Variants in CPS1 observed in about 807,000 individuals in gnomAD.
CPS1 encodes carbamoyl-phosphate synthase [ammonia], mitochondrial.
Under a neutral mutation model 174.6 loss-of-function variants are expected in CPS1, and 109 were observed. The ratio of observed to expected loss-of-function variants is 0.62; its 90% CI spans 0.53 to 0.73. CPS1 has a LOEUF of 0.73. Ranked by LOEUF, CPS1 falls within the 30% of genes least tolerant of loss-of-function variation. The pLI is 0.00. For missense variants in CPS1, 1,689 were observed against 1,821.9 expected (o/e 0.93, Z 1.33); for synonymous variants, 637 against 632.0 (o/e 1.01, Z -0.12).
intron 32 of CPS1, among the ~76,000 whole-genome samples, chr2:210,662,635 G>C (rs1194304691): frequency 6.6e-6 from 1 of 152,222 alleles, no homozygotes; most frequent in African/African-American, 2.4e-5. Flanking sequence ...CTTTTAAGAG[G>C]TGTCAACAAC....
At chr2:210,598,638 G>T (rs1385945911) in intron 13 of CPS1, among the ~76,000 whole-genome samples, 1 of 151,866 alleles carries the variant, frequency 6.6e-6, no homozygotes, top group Admixed American at 6.6e-5. Flanking sequence ...TAATAGTAAT[G>T]GGTTCAATTC....
chr2:210,548,958 G>C (rs1696641581), intron 1 of CPS1, among the ~76,000 whole-genome samples: 1 of 152,076 alleles, frequency 6.6e-6, no homozygotes. Flanking sequence ...GGCCATGGAA[G>C]AAATCAGGTT....
At chr2:210,533,062 G>A (rs2664232) in intron 1 of CPS1, among the ~76,000 whole-genome samples, 60,997 of 151,870 alleles carry the variant, frequency 0.4, 12,474 homozygotes, top group Middle Eastern at 0.51. Context: ...AGCGGGGAGG[G>A]AAGTCGCTTT....
At chr2:210,636,130 C>G (rs1700036093) in intron 21 of CPS1, among the ~76,000 whole-genome samples, 1 of 152,178 alleles carries the variant, frequency 6.6e-6, no homozygotes, top group South Asian at 2.1e-4. Flanking sequence ...TATTGACTAT[C>G]AAACTATTAT....
At chr2:210,541,292 C>T (rs1696416943) in intron 1 of CPS1, among the ~76,000 whole-genome samples, 1 of 152,132 alleles carries the variant, frequency 6.6e-6, no homozygotes, top group Non-Finnish European at 1.5e-5. Context: ...TCTTGCCTGG[C>T]CAATCAAACT....
intron 1 of CPS1, among the ~76,000 whole-genome samples, chr2:210,551,545 T>C (rs1696731273): frequency 6.6e-6 from 1 of 151,930 alleles, no homozygotes; most frequent in Non-Finnish European, 1.5e-5. Context: ...TTAAGGTGTT[T>C]GCAAATGGGG....
chr2:210,643,466 G>A (rs184775087), intron 25 of CPS1, among the ~76,000 whole-genome samples: 181 of 152,156 alleles, frequency 1.2e-3, no homozygotes, highest in Admixed American at 3.3e-3. Context: ...TACTAAATTG[G>A]AACCAAAATA....
intron 21 of CPS1, chr2:210,619,376 A>G (rs1312742567): frequency 6.6e-6 from 1 of 152,070 alleles, no homozygotes; most frequent in Non-Finnish European, 1.5e-5. Flanking sequence ...ATAAGTATAA[A>G]TGACATCTGA....
chr2:210,529,642 T>A (rs1696066335), intron 1 of CPS1, among the ~76,000 whole-genome samples: 1 of 151,958 alleles, frequency 6.6e-6, no homozygotes, highest in Non-Finnish European at 1.5e-5. Context: ...ATATTTTTGC[T>A]TACTCTTCAC....
At position 210,668,242 on chromosome 2, in the gene CPS1, A is replaced by C. The variant is rs1400368646; in HGVS notation, c.4059A>C (p.Thr1353=). Residue 1353 remains threonine (T), a synonymous_variant, in exon 34 of 38, where the codon ACA becomes ACC. Coordinates refer to ENST00000233072, the MANE Select transcript of CPS1 (RefSeq NM_001875.5). The part of the protein sequence containing the change: ...HTAFLKAMLS[T]GFKIPQKGIL... ...CCTTCCTAAAGGCAATGCTTTCCAC[A>C]GGATTTAAGATACCCCAGAAAGGCA... 1.2e-6 allele frequency: 2 copies of C among 1,613,898 alleles called. No individual in the cohort carries two copies. Among genetic ancestry groups the C allele is most frequent in the Non-Finnish European group, 1.7e-6 (2 of 1,179,930 alleles).
intron 3 of CPS1, 82 bp downstream of exon 3, chr2:210,576,572 C>T (rs943198620): frequency 6.9e-7 from 1 of 1,456,234 alleles, no homozygotes; most frequent in Non-Finnish European, 9.6e-7. Context: ...GATGGCCAAA[C>T]TTTCTTCCTC....
chr2:210,556,774 T>C lies in CPS1; in HGVS notation c.41T>C (p.Leu14Pro), dbSNP rs765353730. 25 of 1,613,038 alleles carry C rather than the reference T, an allele frequency of 1.5e-5. No individual in the cohort carries two copies. The highest frequency in any genetic ancestry group is 2.1e-5 in the Non-Finnish European group (25 of 1,179,374). The change falls in exon 1 of 38, where the codon CTG (leucine) becomes CCG (proline). Residue 14 changes from leucine (L) to proline (P), a missense_variant. Coordinates refer to ENST00000233072, the MANE Select transcript of CPS1 (RefSeq NM_001875.5). ...ACAGCTTTCAAAGTGGTGAGGACAC[T>C]GAAGACTGGTTTTGGCTTTACCAAT... ...ILTAFKVVRT[L>P]KTGFGFTNVT...
intron 25 of CPS1, among the ~76,000 whole-genome samples, chr2:210,647,063 G>A (rs903036568): frequency 6.6e-6 from 1 of 152,062 alleles, no homozygotes; most frequent in African/African-American, 2.4e-5. Context: ...TGAGGCAGTA[G>A]GAACTAAAAT....
intron 15 of CPS1, among the ~76,000 whole-genome samples, chr2:210,601,745 A>G (rs537441473): frequency 1.3e-5 from 2 of 152,108 alleles, no homozygotes; most frequent in African/African-American, 4.8e-5. Flanking sequence ...TGAACTTGAA[A>G]ATGAAAAATC....
chr2:210,675,941 C>G, intron 36 of CPS1, 101 bp downstream of exon 36: 2 of 730,460 alleles, frequency 2.7e-6, no homozygotes, highest in Non-Finnish European at 5.1e-6. Flanking sequence ...TCTTTTAAAA[C>G]AAATTTAAAA....
chr2:210,505,097 A>G (rs1695242075), intron 1 of CPS1, among the ~76,000 whole-genome samples: 1 of 152,032 alleles, frequency 6.6e-6, no homozygotes, highest in Admixed American at 6.5e-5. Context: ...AGTGTAATTC[A>G]TGCTGTATTG....
upstream of CPS1, among the ~76,000 whole-genome samples, chr2:210,555,434 G>A (rs1696882741): frequency 6.6e-6 from 1 of 151,948 alleles, no homozygotes; most frequent in African/African-American, 2.4e-5. Flanking sequence ...AAACTAGTAT[G>A]AGCCTATTTT....
At chr2:210,511,917 TAAAG>T (rs1217226450) in intron 1 of CPS1, among the ~76,000 whole-genome samples, 1 of 152,126 alleles carries the variant, frequency 6.6e-6, no homozygotes, top group Non-Finnish European at 1.5e-5. Flanking sequence ...ATTCTCTAGT[TAAAG>T]AATTTCTCTT....
At chr2:210,658,768 C>T in intron 31 of CPS1, 80 bp downstream of exon 31, 3 of 1,035,492 alleles carry the variant, frequency 2.9e-6, no homozygotes, top group South Asian at 2.6e-5. Context: ...GTAATCTTCT[C>T]TGTGAACACC....
Sources: allele counts gnomAD v4.1 joint callset (sites outside exome capture counted in the v4.1 genomes callset), GRCh38; gene constraint gnomAD v4.1.1; transcripts MANE v1.5; gene names NCBI Gene and HGNC (gene_info 2026-07-23, HGNC 2026-07-21).